Variants in CLPB observed in about 807,000 individuals in gnomAD.
CLPB encodes the protein ClpB family mitochondrial disaggregase.
A neutral mutation model predicts 78.4 loss-of-function variants in CLPB; 40 were observed. That is an observed-to-expected ratio of 0.51 (90% CI 0.40 to 0.66). CLPB has a LOEUF of 0.66. CLPB is among the 30% of genes least tolerant of loss of function. The pLI, the probability that CLPB is intolerant of heterozygous loss-of-function variation, is 0.00. For synonymous variants in CLPB, 333 were observed against 348.0 expected (o/e 0.96, Z 0.48); for missense variants, 780 against 886.9 (o/e 0.88, Z 1.53).
intron 7 of CLPB, among the ~76,000 whole-genome samples, chr11:72,313,213 G>C (rs1245519493): frequency 1.3e-5 from 2 of 152,140 alleles, no homozygotes; most frequent in Non-Finnish European, 2.9e-5. Flanking sequence ...TCTCATGGTT[G>C]AGAGTCATAC....
intron 4 of CLPB, among the ~76,000 whole-genome samples, chr11:72,374,721 C>T (rs148788339): frequency 2.4e-4 from 37 of 152,322 alleles, no homozygotes; most frequent in Admixed American, 5.9e-4. Flanking sequence ...TGTCTGTTCT[C>T]AGCAGGTAAA....
rs1949661657 is a variant in CLPB, at chr11:72,301,854, T to G, written c.1278A>C (p.Val426=). ...TGAGCACATCTGGATGGGCCTTGTC[T>G]ACTTCATCAAAGAGCACCACAGCAT... ...CPNAVVLFDE[V]DKAHPDVLTI... is the part of the protein sequence containing the mutation. The change falls in exon 11 of 16, where the codon GTA becomes GTC. Residue 426 remains valine, a synonymous_variant. Coordinates refer to ENST00000538039, the MANE Select transcript of CLPB (RefSeq NM_001258392.3). 1 of 1,614,200 alleles carries G rather than the reference T, an allele frequency of 6.2e-7. No individual in the cohort carries two copies.
chr11:72,342,138 G>A (rs1224662354), intron 5 of CLPB, among the ~76,000 whole-genome samples: 1 of 152,188 alleles, frequency 6.6e-6, no homozygotes, highest in Non-Finnish European at 1.5e-5. Flanking sequence ...AAGAAAGTGT[G>A]AGGAGGTATG....
intron 6 of CLPB, among the ~76,000 whole-genome samples, chr11:72,324,277 T>A (rs1293769943): frequency 6.6e-6 from 1 of 151,556 alleles, no homozygotes; most frequent in East Asian, 1.9e-4. Context: ...TTTTAAAAGT[T>A]AAAAAAAAGG....
chr11:72,330,356 A>C lies in CLPB; in HGVS notation c.776-552T>G, dbSNP rs115744193. Among the ~76,000 whole-genome samples, 399 of 152,264 alleles carry C rather than the reference A, an allele frequency of 2.6e-3. 2 individuals carry two copies. The highest frequency in any genetic ancestry group is 9.1e-3 in the African/African-American group (380 of 41,558). Reference sequence around the variant, plus strand: ...GCACCACCAGCAACCTGTCTATGCCACTCTGGCTGTTGGTGGGTGAGTGCA... The same window carrying C: ...GCACCACCAGCAACCTGTCTATGCCCCTCTGGCTGTTGGTGGGTGAGTGCA... On this transcript the variant is annotated intron_variant, in intron 5 of 15. Coordinates refer to ENST00000538039, the MANE Select transcript of CLPB (RefSeq NM_001258392.3).
chr11:72,329,346 C>A (rs1310606795), intron 6 of CLPB, among the ~76,000 whole-genome samples: 1 of 152,058 alleles, frequency 6.6e-6, no homozygotes, highest in Non-Finnish European at 1.5e-5. Context: ...AAAATATGAC[C>A]AAAATCTTTG....
chr11:72,430,611 G>C (rs764779255), intron 1 of CLPB: 7 of 507,058 alleles, frequency 1.4e-5, no homozygotes, highest in Non-Finnish European at 2.5e-5. Context: ...TAGAGGGAAT[G>C]CAGGTCAACT....
At chr11:72,368,215 C>G (rs1439693636) in intron 4 of CLPB, among the ~76,000 whole-genome samples, 1 of 152,154 alleles carries the variant, frequency 6.6e-6, no homozygotes, top group African/African-American at 2.4e-5. Flanking sequence ...AAGAGTTTTC[C>G]TCCAATACTC....
chr11:72,326,727 G>C (rs1950139714), intron 6 of CLPB, among the ~76,000 whole-genome samples: 1 of 152,152 alleles, frequency 6.6e-6, no homozygotes, highest in Admixed American at 6.5e-5. Flanking sequence ...TACAGATGCA[G>C]GGCCTGAACT....
intron 5 of CLPB, among the ~76,000 whole-genome samples, chr11:72,335,844 G>C (rs1950311446): frequency 6.6e-6 from 1 of 152,182 alleles, no homozygotes; most frequent in Non-Finnish European, 1.5e-5. Flanking sequence ...CACAGAACAT[G>C]GCTGTTCTTT....
At chr11:72,408,089 T>C in intron 2 of CLPB, 1 of 1,514,924 alleles carries the variant, frequency 6.6e-7, no homozygotes, top group Non-Finnish European at 8.9e-7. Flanking sequence ...AGGAAAGGGC[T>C]CTACAAACCT....
intron 3 of CLPB, among the ~76,000 whole-genome samples, chr11:72,388,133 G>A (rs1017826587): frequency 6.6e-6 from 1 of 152,124 alleles, no homozygotes; most frequent in South Asian, 2.1e-4. Flanking sequence ...GATCGACCCT[G>A]GGGCTGCTAA....
chr11:72,388,344 G>C (rs1047820276), intron 3 of CLPB, among the ~76,000 whole-genome samples: 3 of 148,922 alleles, frequency 2.0e-5, no homozygotes, highest in African/African-American at 7.5e-5. Context: ...TCCGCCTCCC[G>C]GGTTCACACC....
At chr11:72,363,454 G>A (rs1350452883) in intron 4 of CLPB, 1 of 152,208 alleles carries the variant, frequency 6.6e-6, no homozygotes, top group Non-Finnish European at 1.5e-5. Flanking sequence ...GCCATCTAAT[G>A]TTATGGAATG....
intron 4 of CLPB, among the ~76,000 whole-genome samples, chr11:72,375,441 C>T (rs1313704167): frequency 1.3e-5 from 2 of 152,168 alleles, no homozygotes; most frequent in African/African-American, 4.8e-5. Context: ...CCTGCTGTCA[C>T]TCCCTAACCC....
rs1030313575 is a variant in CLPB, at chr11:72,434,416, AGCC to A, written c.56_58del (p.Arg19del). ...GCCCCGGAGCGTTGGGGACCTGAGCAGCCGGAGGAGTAGCCGTGGCGCCAGTGC... is the reference window on the plus strand; with the variant it reads ...GCCCCGGAGCGTTGGGGACCTGAGCAGGAGGAGTAGCCGTGGCGCCAGTGC... On this transcript the variant is annotated inframe_deletion, in exon 1 of 16. Coordinates refer to ENST00000538039, the MANE Select transcript of CLPB (RefSeq NM_001258392.3). 6.3e-7 allele frequency: 1 copy of A among 1,595,098 alleles called. No homozygotes were observed.
chr11:72,432,285 G>A (rs1856568792), intron 1 of CLPB, among the ~76,000 whole-genome samples: 1 of 152,146 alleles, frequency 6.6e-6, no homozygotes, highest in Non-Finnish European at 1.5e-5. Flanking sequence ...AGACACTGTG[G>A]TGGGCAAATG....
At chr11:72,410,933 T>TA (rs1484552177) in intron 2 of CLPB, 1 of 152,224 alleles carries the variant, frequency 6.6e-6, no homozygotes, top group Non-Finnish European at 1.5e-5. Flanking sequence ...ACCATACTAT[T>TA]ACTCTTTTTT....
intron 5 of CLPB, among the ~76,000 whole-genome samples, chr11:72,344,825 A>C (rs1950482561): frequency 6.6e-6 from 1 of 152,228 alleles, no homozygotes; most frequent in African/African-American, 2.4e-5. Flanking sequence ...AAATTTTAAA[A>C]ATCAAGAGAA....
Sources: gnomAD v4.1 joint callset for allele counts (sites outside exome capture counted in the v4.1 genomes callset) on GRCh38, gnomAD v4.1.1 for gene constraint, MANE v1.5 for transcripts, NCBI Gene and HGNC (gene_info 2026-07-23, HGNC 2026-07-21) for gene names.